CNBD1: variants seen among roughly 807,000 people sequenced by gnomAD.
CNBD1 encodes cyclic nucleotide-binding domain-containing protein 1.
CNBD1 carries 71 observed loss-of-function variants against 54.4 expected under a neutral mutation model. The observed-to-expected ratio is 1.30, with a 90% CI of 1.08 to 1.59. The LOEUF is 1.59. CNBD1 is among the 40% of genes most tolerant of loss of function. The pLI is 0.00. For missense variants in CNBD1, 659 were observed against 518.0 expected (o/e 1.27, Z -2.64); for synonymous variants, 182 against 170.7 (o/e 1.07, Z -0.51).
chr8:86,869,055 G>A (rs1808404550), intron 1 of CNBD1, among the ~76,000 whole-genome samples: 1 of 152,156 alleles, frequency 6.6e-6, no homozygotes, highest in Non-Finnish European at 1.5e-5. Flanking sequence ...GCAGGGAAAG[G>A]CAAAGAAATG....
chr8:87,350,133 T>C (rs756526211), intron 8 of CNBD1, among the ~76,000 whole-genome samples: 1 of 152,162 alleles, frequency 6.6e-6, no homozygotes, highest in African/African-American at 2.4e-5. Flanking sequence ...TACTATCATA[T>C]GTTTTGGTGG....
At chr8:87,402,613 T>C (rs1259838335) in intron 2 of CNBD1, among the ~76,000 whole-genome samples, 1 of 152,048 alleles carries the variant, frequency 6.6e-6, no homozygotes, top group Admixed American at 6.6e-5. Context: ...TGTTTCCTCT[T>C]ATAGTCTCTG....
chr8:87,373,745 C>A (rs1280833078), intron 10 of CNBD1, among the ~76,000 whole-genome samples: 6 of 151,716 alleles, frequency 4.0e-5, no homozygotes, highest in African/African-American at 1.5e-4. Context: ...AAGTTCAAAA[C>A]AACCAAATGT....
intron 3 of CNBD1, among the ~76,000 whole-genome samples, chr8:86,918,862 A>T (rs1303953278): frequency 6.6e-6 from 1 of 151,520 alleles, no homozygotes; most frequent in African/African-American, 2.4e-5. Flanking sequence ...TCACCCACAT[A>T]GTGTACACTG....
chr8:87,409,489 G>A (rs1397593681), intron 2 of CNBD1, among the ~76,000 whole-genome samples: 4 of 152,106 alleles, frequency 2.6e-5, no homozygotes, highest in African/African-American at 9.7e-5. Context: ...AATTATCCAG[G>A]AGATATAACT....
chr8:86,912,119 A>G (rs1204648821), intron 3 of CNBD1, among the ~76,000 whole-genome samples: 3 of 152,172 alleles, frequency 2.0e-5, no homozygotes, highest in African/African-American at 7.2e-5. Context: ...ATTTTATTTG[A>G]CTTTTATAAA....
At chr8:86,938,072 G>C (rs902376041) in intron 3 of CNBD1, among the ~76,000 whole-genome samples, 1 of 152,132 alleles carries the variant, frequency 6.6e-6, no homozygotes, top group South Asian at 2.1e-4. Context: ...AATTTCTTCT[G>C]CTAGATACTC....
At chr8:87,008,168 A>G (rs1809141731) in intron 4 of CNBD1, among the ~76,000 whole-genome samples, 1 of 152,200 alleles carries the variant, frequency 6.6e-6, no homozygotes, top group Non-Finnish European at 1.5e-5. Flanking sequence ...TGTTTTTTCC[A>G]GTGCCAATTC....
intron 3 of CNBD1, among the ~76,000 whole-genome samples, chr8:86,909,663 A>G (rs1809072079): frequency 1.3e-5 from 2 of 152,186 alleles, no homozygotes; most frequent in South Asian, 2.1e-4. Context: ...CTGCAGCTCA[A>G]TCTGTTTGCC....
intron 4 of CNBD1, among the ~76,000 whole-genome samples, chr8:86,970,714 T>A (rs903234637): frequency 6.6e-6 from 1 of 152,196 alleles, no homozygotes; most frequent in African/African-American, 2.4e-5. Context: ...GCATTTCATT[T>A]TCTATTCCTG....
intron 2 of CNBD1, among the ~76,000 whole-genome samples, chr8:87,405,051 T>C (rs1489376301): frequency 6.6e-6 from 1 of 152,042 alleles, no homozygotes; most frequent in African/African-American, 2.4e-5. Context: ...CAGTACTGAG[T>C]TGAAGAAAAA....
At chr8:87,373,157 G>A (rs1311798653) in intron 10 of CNBD1, among the ~76,000 whole-genome samples, 2 of 151,522 alleles carry the variant, frequency 1.3e-5, no homozygotes, top group Admixed American at 6.6e-5. Flanking sequence ...TTAATTATTG[G>A]CTCTTATTTT....
intron 4 of CNBD1, among the ~76,000 whole-genome samples, chr8:86,955,044 T>G (rs934200865): frequency 6.9e-6 from 1 of 144,834 alleles, no homozygotes; most frequent in Non-Finnish European, 1.5e-5. Context: ...CCAAGTGTTC[T>G]CATTGTTCAT....
At chr8:87,234,592 A>T (rs190682705) in intron 5 of CNBD1, among the ~76,000 whole-genome samples, 12 of 152,288 alleles carry the variant, frequency 7.9e-5, no homozygotes, top group South Asian at 4.1e-4. Context: ...GTGGGCTTCA[A>T]ATATTCATTA....
chr8:87,258,101 C>G (rs1394503289), intron 6 of CNBD1, among the ~76,000 whole-genome samples: 3 of 152,086 alleles, frequency 2.0e-5, no homozygotes, highest in African/African-American at 2.4e-5. Context: ...GTTTACCTGT[C>G]TTTGGGATGC....
chr8:87,162,128 A>AT (rs935618262), intron 4 of CNBD1, among the ~76,000 whole-genome samples: 1 of 152,218 alleles, frequency 6.6e-6, no homozygotes, highest in Non-Finnish European at 1.5e-5. Flanking sequence ...TTAGATTAAT[A>AT]TTTTTTGCCT....
intron 4 of CNBD1, among the ~76,000 whole-genome samples, chr8:87,109,465 A>C (rs1432235745): frequency 6.6e-6 from 1 of 151,916 alleles, no homozygotes; most frequent in African/African-American, 2.4e-5. Context: ...TATTATCATT[A>C]TATAGACCTC....
chr8:87,097,239 T>C (rs1811339333), intron 4 of CNBD1, among the ~76,000 whole-genome samples: 1 of 152,284 alleles, frequency 6.6e-6, no homozygotes, highest in Non-Finnish European at 1.5e-5. Flanking sequence ...AATATATATT[T>C]ATATTGTTTA....
At chr8:87,172,314 C>T (rs1813105613) in intron 4 of CNBD1, among the ~76,000 whole-genome samples, 1 of 151,928 alleles carries the variant, frequency 6.6e-6, no homozygotes, top group South Asian at 2.1e-4. Context: ...AAGAATAATC[C>T]ATATCTTGAG....
Sources: gnomAD v4.1 joint callset for allele counts (sites outside exome capture counted in the v4.1 genomes callset) on GRCh38, gnomAD v4.1.1 for gene constraint, MANE v1.5 for transcripts, NCBI Gene and HGNC (gene_info 2026-07-23, HGNC 2026-07-21) for gene names.